Variants in DPH6 observed in about 807,000 individuals in gnomAD.
DPH6 encodes diphthine--ammonia ligase.
A neutral mutation model predicts 38.2 loss-of-function variants in DPH6; 33 were observed. The observed-to-expected ratio is 0.86, with a 90% CI of 0.65 to 1.15. DPH6 has a LOEUF of 1.15. DPH6 is among the 50% of genes most tolerant of loss of function. DPH6 has a pLI of 0.00. For missense variants in DPH6, 325 were observed against 320.0 expected, an observed-to-expected ratio of 1.02 and a Z score of -0.12; for synonymous variants, 108 against 103.0, an observed-to-expected ratio of 1.05 and a Z score of -0.30.
intron 2 of DPH6, among the ~76,000 whole-genome samples, chr15:35,540,607 C>T (rs2055238267): frequency 6.6e-6 from 1 of 152,038 alleles, no homozygotes; most frequent in Admixed American, 6.6e-5. Flanking sequence ...ACTGCCTTTT[C>T]CAGGCTTTTT....
At chr15:35,258,169 A>G (rs1018077756) in intron 3 of DPH6, among the ~76,000 whole-genome samples, 4 of 152,212 alleles carry the variant, frequency 2.6e-5, no homozygotes, top group African/African-American at 9.6e-5. Flanking sequence ...CCATTGAATT[A>G]TTAATGAAAA....
intron 3 of DPH6, among the ~76,000 whole-genome samples, chr15:35,275,114 G>A (rs965962273): frequency 1.9e-4 from 29 of 151,926 alleles, no homozygotes; most frequent in African/African-American, 6.8e-4. Flanking sequence ...ACAGGGTTTC[G>A]CCATGTTGGC....
rs1377916575 is a variant in DPH6, at chr15:35,239,467, G to A, written n.201-18885C>T. On this transcript the variant is annotated intron_variant and non_coding_transcript_variant, in intron 3 of 3. Transcript: ENST00000560386. ...TCTGATTATACACCCACGTTTCAAG[G>A]GTGTCAGACCATGCAGGGACGCCTG... Among the ~76,000 whole-genome samples, 14 of 144,016 alleles carry A rather than the reference G, an allele frequency of 9.7e-5. 2 individuals are homozygous for A. The East Asian group carries it at 3.0e-3, about 31-fold the overall frequency. 94.5% of individuals were successfully genotyped at this position (144,016 alleles called of 152,430 possible). A position where few individuals can be genotyped will look rare whatever the true frequency, so the allele number is the denominator to read the frequency against.
At chr15:35,273,298 C>T (rs2051835493) in intron 3 of DPH6, among the ~76,000 whole-genome samples, 2 of 152,178 alleles carry the variant, frequency 1.3e-5, no homozygotes, top group South Asian at 2.1e-4. Flanking sequence ...CCTTCACCCC[C>T]TTCTCACGCT....
intron 6 of DPH6, chr15:35,401,111 A>T: frequency 1.1e-6 from 1 of 911,372 alleles, no homozygotes; most frequent in Non-Finnish European, 1.8e-6. Flanking sequence ...GTAACCTTTG[A>T]TGACCATGAC....
intron 3 of DPH6, among the ~76,000 whole-genome samples, chr15:35,229,963 C>T (rs968226517): frequency 2.0e-5 from 3 of 152,190 alleles, no homozygotes; most frequent in African/African-American, 7.2e-5. Context: ...GTGGTCACTA[C>T]CCCTGGGACT....
At chr15:35,198,977 T>C in the DPH6 span, among the ~76,000 whole-genome samples, 7 of 151,976 alleles carry the variant, frequency 4.6e-5, no homozygotes, top group Non-Finnish European at 8.8e-5. Flanking sequence ...TGGAGTGCAA[T>C]GGCGCAATCT....
At chr15:35,404,730 C>G (rs930389203) in intron 6 of DPH6, among the ~76,000 whole-genome samples, 1 of 152,016 alleles carries the variant, frequency 6.6e-6, no homozygotes, top group African/African-American at 2.4e-5. Context: ...TAACTTGATG[C>G]AATCCCATCT....
At chr15:35,344,927 T>C (rs1662825334) in intron 3 of DPH6, among the ~76,000 whole-genome samples, 1 of 151,928 alleles carries the variant, frequency 6.6e-6, no homozygotes, top group African/African-American at 2.4e-5. Context: ...TCTTTGCCTT[T>C]GGGAAACTAT....
intron 3 of DPH6, among the ~76,000 whole-genome samples, chr15:35,362,533 G>A (rs954225956): frequency 6.6e-6 from 1 of 152,150 alleles, no homozygotes; most frequent in Admixed American, 6.5e-5. Context: ...CAGTTTTCAG[G>A]CATTGTAATA....
In DPH6 at chr15:35,410,831, T is replaced by C. The variant is rs1204692759; in HGVS notation, c.567+4A>G. 1 of 1,596,230 alleles carries C rather than the reference T, an allele frequency of 6.3e-7. No individual in the cohort carries two copies. The highest frequency in any genetic ancestry group is 8.5e-7 in the Non-Finnish European group (1 of 1,171,972). ...ACATTTTGAGATCTAGTATAAATTC[T>C]TACCTCTATGAGATAAGGCTCCATT... On this transcript the variant is annotated splice_donor_region_variant and intron_variant, in intron 6 of 8. Coordinates refer to ENST00000256538, the MANE Select transcript of DPH6 (RefSeq NM_080650.4).
At chr15:35,339,539 C>T (rs912520038) in intron 3 of DPH6, among the ~76,000 whole-genome samples, 4 of 151,906 alleles carry the variant, frequency 2.6e-5, no homozygotes, top group East Asian at 1.9e-4. Context: ...TGGCCAGGCT[C>T]GTCTCGAACT....
At chr15:35,486,405 C>T (rs1215974989) in intron 3 of DPH6, among the ~76,000 whole-genome samples, 2 of 152,106 alleles carry the variant, frequency 1.3e-5, no homozygotes, top group African/African-American at 2.4e-5. Context: ...CACAGGTCTG[C>T]ATGGCTGGGT....
At chr15:35,460,663 C>T (rs1181878608) in intron 3 of DPH6, among the ~76,000 whole-genome samples, 1 of 152,174 alleles carries the variant, frequency 6.6e-6, no homozygotes, top group Non-Finnish European at 1.5e-5. Flanking sequence ...TCATTATCTT[C>T]CTCACTTTGT....
chr15:35,500,110 T>C (rs539796967), intron 3 of DPH6, among the ~76,000 whole-genome samples: 1 of 152,302 alleles, frequency 6.6e-6, no homozygotes, highest in African/African-American at 2.4e-5. Context: ...TCCAAACCTT[T>C]AAGTAAGCCC....
chr15:35,241,826 G>T (rs1456641593), intron 3 of DPH6, among the ~76,000 whole-genome samples: 1 of 142,966 alleles, frequency 7.0e-6, no homozygotes, highest in East Asian at 2.2e-4. Flanking sequence ...CTACAGCATG[G>T]CCTTTTAAAG....
At chr15:35,414,768 C>T (rs1157071304) in intron 5 of DPH6, among the ~76,000 whole-genome samples, 10 of 151,102 alleles carry the variant, frequency 6.6e-5, no homozygotes, top group South Asian at 2.1e-4. Flanking sequence ...CTCTCTTTGA[C>T]GTGACTAGCA....
At chr15:35,474,397 C>A (rs928301230) in intron 3 of DPH6, among the ~76,000 whole-genome samples, 1 of 152,072 alleles carries the variant, frequency 6.6e-6, no homozygotes. Flanking sequence ...TACTGAGGAC[C>A]AGTTACATTC....
intron 3 of DPH6, among the ~76,000 whole-genome samples, chr15:35,469,308 A>G (rs1041995301): frequency 1.3e-5 from 2 of 152,238 alleles, no homozygotes; most frequent in African/African-American, 4.8e-5. Flanking sequence ...TTAAGTGTAA[A>G]GTTCAGTGGC....
Sources: gnomAD v4.1 joint callset for allele counts (sites outside exome capture counted in the v4.1 genomes callset) on GRCh38, gnomAD v4.1.1 for gene constraint, MANE v1.5 for transcripts, NCBI Gene and HGNC (gene_info 2026-07-23, HGNC 2026-07-21) for gene names.